Variants in CRNKL1 observed in about 807,000 individuals in gnomAD.
CRNKL1 encodes crooked neck-like protein 1.
CRNKL1 carries 35 observed loss-of-function variants against 103.7 expected under a neutral mutation model. The ratio of observed to expected loss-of-function variants is 0.34; its 90% confidence interval spans 0.26 to 0.45. The LOEUF is 0.45. CRNKL1 is among the 20% of genes least tolerant of loss of function. The probability of loss-of-function intolerance (pLI) is 1.00; values close to 1 mark genes in which losing one functional copy is unlikely to be tolerated. For synonymous variants in CRNKL1, 267 were observed against 282.6 expected (o/e 0.94, Z 0.55); for missense variants, 645 against 836.0 (o/e 0.77, Z 2.82).
chr20:20,038,450 C>T lies in CRNKL1; in HGVS notation c.1546G>A (p.Val516Met), dbSNP rs968472565. 5 of 1,542,874 alleles carry T rather than the reference C, an allele frequency of 3.2e-6. No individual in the cohort carries two copies. The highest frequency in any genetic ancestry group is 4.4e-6 in the Non-Finnish European group (5 of 1,139,110). The change falls in exon 12 of 14, where the codon GTG becomes ATG. Residue 516 changes from valine (V) to methionine (M), a missense_variant and splice_region_variant. Transcript: ENST00000536226. ...AAATCAATATATGATTTCCAAAGCA[C>T]CTAAGGAAGAAAAGTAAATGGGTCA... ...ISQPRLDMPE[V>M]LWKSYIDFEI...
At chr20:20,044,041 CCT>C (rs1014449575) in intron 6 of CRNKL1, among the ~76,000 whole-genome samples, 2 of 152,110 alleles carry the variant, frequency 1.3e-5, no homozygotes, top group Non-Finnish European at 2.9e-5. Flanking sequence ...ATCCTCAATT[CCT>C]CTTTTTTCCT....
At chr20:20,041,810 G>A (rs1197649130) in intron 8 of CRNKL1, among the ~76,000 whole-genome samples, 185 bp from the exon 9 acceptor site, 3 of 152,204 alleles carry the variant, frequency 2.0e-5, no homozygotes, top group Non-Finnish European at 4.4e-5. Context: ...TTCAGTTTAA[G>A]AATCACCAAC....
At chr20:20,054,013 G>GTTTTTTTTTTTTTTTTTTT (rs1239349657), upstream of CRNKL1, among the ~76,000 whole-genome samples, 21 of 59,014 alleles carry the variant, frequency 3.6e-4, no homozygotes, top group African/African-American at 5.0e-4. Flanking sequence ...TTTTTTGTTT[G>GTTTTTTTTTTTTTTTTTTT]TTTTTTTTTT....
rs915563710 is a variant in CRNKL1 at position 20,039,616 on chromosome 20, A to G, written c.1538T>C (p.Met513Thr). Residue 513 changes from methionine (M) to threonine (T), a missense_variant, in exon 11 of 14, where the codon ATG (methionine) becomes ACG (threonine). Met to Thr is a moderately conservative substitution (Grantham distance 81). Around this residue, in one of 2 missense-constraint regions of CRNKL1, gnomAD observed 582 missense variants for 707.7 expected, o/e 0.82. Transcript: ENST00000536226. ...ELAISQPRLD[M>T]PEVLWKSYID... is the part of the protein sequence containing the mutation. ...TTGACTTGAGATGCTCACCTCTGGC[A>G]TGTCTAAACGTGGCTGACTGATGGC... 1.9e-6 allele frequency: 3 copies of G among 1,614,070 alleles called. No homozygotes were observed. Among genetic ancestry groups the G allele is most frequent in the Admixed American group, 3.3e-5 (2 of 60,006 alleles).
At position 20,050,537 on chromosome 20, in the gene CRNKL1, G is replaced by A. The variant is rs2043674135; in HGVS notation, c.137C>T (p.Pro46Leu). 2 of 1,613,546 alleles carry A rather than the reference G, an allele frequency of 1.2e-6. No homozygotes were observed. Among genetic ancestry groups the A allele is most frequent in the African/African-American group, 2.7e-5 (2 of 74,892 alleles). ...TGTGATCTTCTGTTGAGGTGGAGGT[G>A]GAAGAAGCTCAAGTTCTCTTTCTTT... ...EAKERELELLPPPPQQKITDE... is the reference protein window; with the variant it reads ...EAKERELELLLPPPQQKITDE... The change falls in exon 2 of 14, where the codon CCA (proline) becomes CTA (leucine). Residue 46 changes from proline (P) to leucine (L), a missense_variant. Pro to Leu is a moderately conservative substitution (Grantham distance 98). This residue lies in a region of CRNKL1 where 63 missense variants were observed against 128.3 expected (regional missense o/e 0.49). Coordinates refer to ENST00000536226, the MANE Select transcript of CRNKL1 (RefSeq NM_001278628.2).
At chr20:20,044,777 G>A (rs1489563422) in intron 6 of CRNKL1, among the ~76,000 whole-genome samples, 1 of 145,952 alleles carries the variant, frequency 6.9e-6, no homozygotes, top group Non-Finnish European at 1.5e-5. Context: ...GCACCACTAT[G>A]CCCACTCAAT....
intron 8 of CRNKL1, 91 bp downstream of exon 8, chr20:20,042,234 T>G: frequency 8.3e-7 from 1 of 1,208,146 alleles, no homozygotes; most frequent in Non-Finnish European, 1.1e-6. Context: ...AATTTCCTTC[T>G]TTCAAGAATT....
chr20:20,047,970 GTTC>G, intron 4 of CRNKL1, 39 bp from the exon 5 acceptor site: 1 of 1,587,300 alleles, frequency 6.3e-7, no homozygotes, highest in East Asian at 2.3e-5. Flanking sequence ...CTGTGGTTTA[GTTC>G]TTCCATTGTT....
intron 2 of CRNKL1, 100 bp from the exon 3 acceptor site, chr20:20,049,531 T>C (rs1029545228): frequency 4.0e-5 from 25 of 632,574 alleles, no homozygotes; most frequent in Non-Finnish European, 5.5e-6. Context: ...TTATTCATTT[T>C]GTTCATATTT....
chr20:20,043,715 CA>C (rs1334901085), intron 6 of CRNKL1, 53 bp from the exon 7 acceptor site: 1 of 1,526,112 alleles, frequency 6.6e-7, no homozygotes, highest in African/African-American at 1.4e-5. Flanking sequence ...TCATGCCAGT[CA>C]CAACTAGGAG....
At chr20:20,050,101 G>A (rs983220179) in intron 2 of CRNKL1, among the ~76,000 whole-genome samples, 1 of 152,246 alleles carries the variant, frequency 6.6e-6, no homozygotes, top group South Asian at 2.1e-4. Flanking sequence ...ACAGGCGCGA[G>A]CCACTGTGCC....
intron 5 of CRNKL1, 138 bp downstream of exon 5, chr20:20,047,627 G>C (rs1436718664): frequency 1.3e-6 from 1 of 760,144 alleles, no homozygotes; most frequent in African/African-American, 1.8e-5. Context: ...ACAAAACATA[G>C]GGAAGCTGAT....
chr20:20,042,266 G>A, intron 8 of CRNKL1, 59 bp downstream of exon 8: 1 of 1,410,554 alleles, frequency 7.1e-7, no homozygotes. Context: ...CAATAGGTGA[G>A]CTGTGAATAC....
Position 20,048,332 on chromosome 20 carries a change from C to T in CRNKL1, c.455+11G>A, listed in dbSNP as rs762249290. The T allele has an allele frequency of 1.9e-6, 3 of 1,613,868 alleles. No individual in the cohort carries two copies. The highest frequency in any genetic ancestry group is 1.7e-5 in the Admixed American group (1 of 60,020). Reference sequence around the variant, plus strand: ...TCTATAAAAGGCTGTTTTGTTAGATCAGAAACTTACCAGAACTGATTAACT... The same window carrying T: ...TCTATAAAAGGCTGTTTTGTTAGATTAGAAACTTACCAGAACTGATTAACT... On this transcript the variant is annotated intron_variant, in intron 4 of 13. Transcript: ENST00000536226.
At chr20:20,038,208 C>CA (rs993091760) in intron 12 of CRNKL1, 141 bp downstream of exon 12, 11 of 597,360 alleles carry the variant, frequency 1.8e-5, no homozygotes, top group Admixed American at 6.4e-5. Flanking sequence ...CTCTGAGACT[C>CA]ACGTTTCTCT....
Position 20,038,383 on chromosome 20 carries a change from T to C in CRNKL1, c.1613A>G (p.Tyr538Cys). 1 of 1,552,442 alleles carries C rather than the reference T, an allele frequency of 6.4e-7. No homozygotes were observed. The highest frequency in any genetic ancestry group is 1.2e-5 in the South Asian group (1 of 84,154). ...QEETERTRNL[Y>C]RRLLQRTQHV... Reference sequence around the variant, plus strand: ...CTGCGTCCGTTGAAGCAACCGCCGGTAAAGGTTTCGTGTTCTTTCTGTTTC... The same window carrying C: ...CTGCGTCCGTTGAAGCAACCGCCGGCAAAGGTTTCGTGTTCTTTCTGTTTC... The change falls in exon 12 of 14, where the codon TAC (tyrosine) becomes TGC (cysteine). Residue 538 changes from tyrosine (Y) to cysteine (C), a missense_variant. By Grantham distance (194) the Tyr-to-Cys change is radical. Around this residue, in one of 2 missense-constraint regions of CRNKL1, gnomAD observed 582 missense variants for 707.7 expected, o/e 0.82. Coordinates refer to ENST00000536226, the MANE Select transcript of CRNKL1 (RefSeq NM_001278628.2).
At chr20:20,050,656 G>A (rs1189183162) in intron 1 of CRNKL1, 34 bp from the exon 2 acceptor site, 1 of 1,571,568 alleles carries the variant, frequency 6.4e-7, no homozygotes, top group East Asian at 2.3e-5. Flanking sequence ...ATTTTTAGTA[G>A]TTGCTCTTCA....
intron 7 of CRNKL1, among the ~76,000 whole-genome samples, chr20:20,043,267 T>G (rs553883639): frequency 1.4e-3 from 209 of 152,324 alleles, no homozygotes; most frequent in African/African-American, 4.9e-3. Flanking sequence ...CAAAACGACT[T>G]ACAACATGTA....
chr20:20,039,546 G>A, intron 11 of CRNKL1, 63 bp downstream of exon 11: 2 of 1,548,578 alleles, frequency 1.3e-6, no homozygotes, highest in Non-Finnish European at 1.8e-6. Flanking sequence ...CATTTAGATG[G>A]TCATCTAAAG....
Sources: gnomAD v4.1 joint callset for allele counts (sites outside exome capture counted in the v4.1 genomes callset) on GRCh38, gnomAD v4.1.1 for gene constraint, gnomAD v4.1.1 regional missense constraint, MANE v1.5 for transcripts, NCBI Gene and HGNC (gene_info 2026-07-23, HGNC 2026-07-21) for gene names.